The following AFAP1L2 variants were observed in gnomAD, a reference collection of about 807,000 sequenced individuals.
The protein encoded by AFAP1L2 is actin filament associated protein 1 like 2, also known as actin filament-associated protein 1-like 2.
AFAP1L2 carries 46 observed loss-of-function variants against 99.3 expected under a neutral mutation model. The observed-to-expected ratio is 0.46, with a 90% CI of 0.37 to 0.59. The LOEUF (loss-of-function observed/expected upper bound fraction) is 0.59, where lower values mean the gene tolerates loss of function less well. Ranked by LOEUF, AFAP1L2 falls within the 20% of genes least tolerant of loss-of-function variation. The probability of loss-of-function intolerance (pLI) is 0.00; values close to 1 mark genes in which losing one functional copy is unlikely to be tolerated. For missense variants in AFAP1L2, 959 were observed against 1,034.9 expected (o/e 0.93, Z 1.01); for synonymous variants, 397 against 419.1 (o/e 0.95, Z 0.64).
At chr10:114,384,158 A>G (rs925817024) in intron 1 of AFAP1L2, among the ~76,000 whole-genome samples, 2 of 152,180 alleles carry the variant, frequency 1.3e-5, no homozygotes, top group Admixed American at 1.3e-4. Flanking sequence ...TCCCATAAGG[A>G]AGCTTCCAGA....
chr10:114,375,474 T>C (rs1183817215), intron 1 of AFAP1L2, among the ~76,000 whole-genome samples: 1 of 152,216 alleles, frequency 6.6e-6, no homozygotes, highest in African/African-American at 2.4e-5. Context: ...CAAAATATAA[T>C]AATAATACTT....
chr10:114,395,843 GCT>G (rs1235765159), intron 1 of AFAP1L2, among the ~76,000 whole-genome samples: 1 of 152,154 alleles, frequency 6.6e-6, no homozygotes, highest in Non-Finnish European at 1.5e-5. Flanking sequence ...GGGCCTTGGG[GCT>G]GCCCCAAACC....
intron 1 of AFAP1L2, chr10:114,340,977 CT>C: frequency 1.8e-6 from 1 of 560,788 alleles, no homozygotes; most frequent in Non-Finnish European, 3.2e-6. Flanking sequence ...AGTCCCAGCC[CT>C]ACCAGGTGCT....
intron 13 of AFAP1L2, 51 bp downstream of exon 13, chr10:114,301,303 G>T: frequency 6.8e-7 from 1 of 1,461,008 alleles, no homozygotes; most frequent in Non-Finnish European, 9.6e-7. Context: ...GTTGAGGTTG[G>T]TAGGAGGAGG....
chr10:114,322,701 G>A (rs923502705), intron 5 of AFAP1L2, among the ~76,000 whole-genome samples: 1 of 152,118 alleles, frequency 6.6e-6, no homozygotes, highest in Non-Finnish European at 1.5e-5. Context: ...TGGGATGACT[G>A]GGCTCCTGTC....
At chr10:114,318,310 C>G (rs1484393109) in intron 5 of AFAP1L2, among the ~76,000 whole-genome samples, 1 of 152,246 alleles carries the variant, frequency 6.6e-6, no homozygotes, top group Non-Finnish European at 1.5e-5. Context: ...TAAGTCTCCA[C>G]TGTTCTGTGC....
intron 2 of AFAP1L2, among the ~76,000 whole-genome samples, chr10:114,336,800 A>G (rs983706091): frequency 2.6e-5 from 4 of 152,210 alleles, no homozygotes; most frequent in African/African-American, 4.8e-5. Flanking sequence ...CTCAATAAAC[A>G]GATCTTAGTC....
chr10:114,334,804 C>A (rs1554910105), intron 2 of AFAP1L2, among the ~76,000 whole-genome samples: 1 of 152,170 alleles, frequency 6.6e-6, no homozygotes, highest in Non-Finnish European at 1.5e-5. Flanking sequence ...GGAAAAGTGC[C>A]CTGCAGGGAG....
At chr10:114,327,833 A>G (rs1590207645) in intron 4 of AFAP1L2, among the ~76,000 whole-genome samples, 1 of 152,200 alleles carries the variant, frequency 6.6e-6, no homozygotes, top group Non-Finnish European at 1.5e-5. Flanking sequence ...GGCTCAGAGG[A>G]CCCGAGGCAT....
In AFAP1L2 at chr10:114,295,992, T is replaced by TGTCA. The variant is rs1196029702; in HGVS notation, c.*46_*49dup. 6.2e-7 allele frequency: 1 copy of TGTCA among 1,613,988 alleles called. No individual in the cohort carries two copies. On this transcript the variant is annotated 3_prime_UTR_variant, in exon 19 of 19. Coordinates refer to ENST00000304129, the MANE Select transcript of AFAP1L2 (RefSeq NM_001001936.3). ...AGTTTTTGCTTTAACAAAGCAGGAT[T>TGTCA]GTCACCAAGGTCCACATTGACATGA...
chr10:114,285,970 C>G, the AFAP1L2 span: 1 of 1,608,668 alleles, frequency 6.2e-7, no homozygotes, highest in Non-Finnish European at 8.5e-7. Flanking sequence ...GCAGGGTCGA[C>G]CTCCTCTTCC....
chr10:114,388,133 G>A (rs2056731779), intron 1 of AFAP1L2, among the ~76,000 whole-genome samples: 2 of 152,180 alleles, frequency 1.3e-5, no homozygotes, highest in South Asian at 4.1e-4. Context: ...CTACCTGGCG[G>A]TGACTTACCC....
At chr10:114,322,226 C>T (rs887865529) in intron 5 of AFAP1L2, among the ~76,000 whole-genome samples, 3 of 152,148 alleles carry the variant, frequency 2.0e-5, no homozygotes, top group African/African-American at 7.2e-5. Flanking sequence ...TAGTCTCGGG[C>T]GTGTCTTTAT....
intron 1 of AFAP1L2, chr10:114,362,984 G>A (rs1456672871): frequency 1.1e-5 from 11 of 985,280 alleles, no homozygotes; most frequent in African/African-American, 3.5e-5. Context: ...GAATTCCCTG[G>A]TGGCAGCCCG....
At position 114,323,166 on chromosome 10, in the gene AFAP1L2, T is replaced by C. The variant is rs1453358716; in HGVS notation, c.406+5A>G. ...CCCTCCCAAGCCCCAGCCGCTGGGA[T>C]GTACCATTGAGGGATGTGTCATATG... On this transcript the variant is annotated splice_donor_5th_base_variant and intron_variant, in intron 5 of 18. Transcript: ENST00000304129. 4 of 1,589,318 alleles carry C rather than the reference T, an allele frequency of 2.5e-6. No homozygotes were observed. Among genetic ancestry groups the C allele is most frequent in the Non-Finnish European group, 3.4e-6 (4 of 1,166,186 alleles).
At chr10:114,336,104 A>G (rs1310277399) in intron 2 of AFAP1L2, among the ~76,000 whole-genome samples, 1 of 152,232 alleles carries the variant, frequency 6.6e-6, no homozygotes, top group Non-Finnish European at 1.5e-5. Flanking sequence ...CACACTGGCC[A>G]CTTCATGAGG....
Position 114,323,216 on chromosome 10 carries a change from C to T in AFAP1L2, c.361G>A (p.Glu121Lys), listed in dbSNP as rs1183964796. The T allele has an allele frequency of 6.2e-7, 1 of 1,603,346 alleles. No homozygotes were observed. The highest frequency in any genetic ancestry group is 1.3e-5 in the African/African-American group (1 of 74,778). The change falls in exon 5 of 19, where the codon GAG becomes AAG. Residue 121 changes from glutamate to lysine, a missense_variant. By Grantham distance (56) the Glu-to-Lys change is moderately conservative (BLOSUM62 1). Coordinates refer to ENST00000304129, the MANE Select transcript of AFAP1L2 (RefSeq NM_001001936.3). ...QLAIPKTESPEGYYEEAEPYD... is the reference protein window; with the variant it reads ...QLAIPKTESPKGYYEEAEPYD... ...GGCTCAGCCTCTTCATAGTAGCCCT[C>T]TGGAGACTCCGTCTTTGGGATGGCA...
the AFAP1L2 span, chr10:114,289,068 G>GT: frequency 6.2e-7 from 1 of 1,614,206 alleles, no homozygotes; most frequent in Non-Finnish European, 8.5e-7. Context: ...ACCCTGACGT[G>GT]ACACAGGTCG....
chr10:114,392,801 C>A (rs1028382082), intron 1 of AFAP1L2, among the ~76,000 whole-genome samples: 1 of 152,182 alleles, frequency 6.6e-6, no homozygotes, highest in African/African-American at 2.4e-5. Context: ...AGCCTGAAAG[C>A]ATAGAGGAGG....
Sources: gnomAD v4.1 joint callset for allele counts (sites outside exome capture counted in the v4.1 genomes callset) on GRCh38, gnomAD v4.1.1 for gene constraint, MANE v1.5 for transcripts, NCBI Gene and HGNC (gene_info 2026-07-23, HGNC 2026-07-21) for gene names.